VPS37A: variants seen among roughly 807,000 people sequenced by gnomAD.
The protein encoded by VPS37A is VPS37A subunit of ESCRT-I.
In VPS37A, 30 loss-of-function variants were observed where a neutral mutation model predicts 49.8. That is an observed-to-expected ratio of 0.60 (90% CI 0.45 to 0.82). The LOEUF is 0.82. Ranked by LOEUF, VPS37A falls within the 40% of genes least tolerant of loss-of-function variation. The probability of loss-of-function intolerance (pLI) is 0.00; values close to 1 mark genes in which losing one functional copy is unlikely to be tolerated. For missense variants in VPS37A, 593 were observed against 464.4 expected (o/e 1.28, Z -2.55); for synonymous variants, 195 against 160.6 (o/e 1.21, Z -1.62).
Position 17,296,963 on chromosome 8 carries a change from C to G in VPS37A, c.*1977C>G, listed in dbSNP as rs1816697901. The G allele has an allele frequency of 6.6e-6, 1 of 152,064 alleles. No individual in the cohort carries two copies. The highest frequency in any genetic ancestry group is 1.5e-5 in the Non-Finnish European group (1 of 68,002). 9.4% of individuals were successfully genotyped at this position (152,064 alleles called of 1,614,324 possible). A position where few individuals can be genotyped will look rare whatever the true frequency, so the allele number is the denominator to read the frequency against. The stretch of plus-strand genomic sequence containing the variant: ...TTTACATAAAGGTTATGTATGTCAC[C>G]CACGATGAAAAGAATCTGCATTTGA... On this transcript the variant is annotated 3_prime_UTR_variant, in exon 12 of 12. Transcript: ENST00000324849.
chr8:17,279,983 CTCGATG>C, intron 6 of VPS37A, 39 bp from the exon 7 acceptor site: 1 of 1,606,534 alleles, frequency 6.2e-7, no homozygotes, highest in East Asian at 2.2e-5. Flanking sequence ...TGGAGAAAAA[CTCGATG>C]TCTGATATTT....
At chr8:17,275,015 C>A in intron 5 of VPS37A, 57 bp downstream of exon 5, 1 of 1,483,708 alleles carries the variant, frequency 6.7e-7, no homozygotes, top group Non-Finnish European at 9.4e-7. Flanking sequence ...TCAATCCACA[C>A]ACCTTTATTA....
At chr8:17,318,493 CAGG>C in the VPS37A span, among the ~76,000 whole-genome samples, 1 of 152,116 alleles carries the variant, frequency 6.6e-6, no homozygotes, top group African/African-American at 2.4e-5. Flanking sequence ...GGAACTGCAG[CAGG>C]AGGATGGACG....
the VPS37A span, among the ~76,000 whole-genome samples, chr8:17,319,677 T>C: frequency 9.7e-3 from 1,481 of 152,330 alleles, 22 homozygotes; most frequent in East Asian, 0.037. Flanking sequence ...ATTATTCTCA[T>C]TCTTGATTGT....
the VPS37A span, among the ~76,000 whole-genome samples, chr8:17,327,313 C>G: frequency 3.3e-5 from 5 of 152,178 alleles, no homozygotes; most frequent in Non-Finnish European, 7.3e-5. Flanking sequence ...CTCTGTCACC[C>G]AGGCTGGAGT....
intron 1 of VPS37A, among the ~76,000 whole-genome samples, chr8:17,258,652 G>A (rs1812698576): frequency 6.6e-6 from 1 of 151,566 alleles, no homozygotes; most frequent in African/African-American, 2.4e-5. Context: ...GAGTTTGGAA[G>A]TAGTCCTTCT....
the VPS37A span, among the ~76,000 whole-genome samples, chr8:17,317,122 G>A: frequency 6.6e-6 from 1 of 152,134 alleles, no homozygotes; most frequent in Non-Finnish European, 1.5e-5. Flanking sequence ...GAATTTGCTT[G>A]CTTATATGTG....
Position 17,253,515 on chromosome 8 carries a change from A to G in VPS37A, c.125+6146A>G, listed in dbSNP as rs915071860. On this transcript the variant is annotated intron_variant, in intron 1 of 11. Coordinates refer to ENST00000324849, the MANE Select transcript of VPS37A (RefSeq NM_152415.3). ...ATCAACAAACAGAATGTAACGTTTC[A>G]TATATGGCAAAGGCTATGGAGACTT... Among the ~76,000 whole-genome samples the G allele has an allele frequency of 3.3e-5, 5 of 152,330 alleles. No individual in the cohort carries two copies. The East Asian group carries it at 7.7e-4, about 23-fold the overall frequency.
At chr8:17,278,103 G>C (rs1446164494) in intron 6 of VPS37A, among the ~76,000 whole-genome samples, 3 of 151,866 alleles carry the variant, frequency 2.0e-5, no homozygotes, top group Non-Finnish European at 4.4e-5. Context: ...ATGTTTCTCT[G>C]TTTCCCATAG....
At chr8:17,298,530 T>C (rs1020520790), downstream of VPS37A, 1 of 152,536 alleles carries the variant, frequency 6.6e-6, no homozygotes, top group Non-Finnish European at 1.5e-5. Context: ...CAGCGAAATG[T>C]AATAATTCTC....
downstream of VPS37A, among the ~76,000 whole-genome samples, chr8:17,307,238 C>G (rs551124816): frequency 6.6e-6 from 1 of 152,166 alleles, no homozygotes; most frequent in East Asian, 1.9e-4. Context: ...TATGAAAAGA[C>G]ACTTCTCAAA....
intron 1 of VPS37A, among the ~76,000 whole-genome samples, chr8:17,263,386 T>A (rs763105976): frequency 2.6e-5 from 4 of 152,222 alleles, no homozygotes; most frequent in Non-Finnish European, 5.9e-5. Flanking sequence ...TACTTATCTG[T>A]TGTTTAATGC....
downstream of VPS37A, among the ~76,000 whole-genome samples, chr8:17,304,746 C>CTTGTGTGTGTGTGTGTGTGT (rs1554504621): frequency 6.8e-6 from 1 of 146,992 alleles, no homozygotes; most frequent in African/African-American, 2.6e-5. Flanking sequence ...GTGTTCGATT[C>CTTGTGTGTGTGTGTGTGTGT]GTGTGTGTGT....
At chr8:17,247,680 C>T (rs541653792) in intron 1 of VPS37A, 1 of 703,134 alleles carries the variant, frequency 1.4e-6, no homozygotes, top group Non-Finnish European at 2.6e-6. Context: ...CCTTGCTGCC[C>T]AGGCTTCGCC....
intron 10 of VPS37A, 69 bp from the exon 11 acceptor site, chr8:17,286,278 C>G: frequency 8.1e-7 from 1 of 1,239,000 alleles, no homozygotes; most frequent in Non-Finnish European, 1.1e-6. Context: ...TCCTGTCATA[C>G]TGTTGGAAGT....
chr8:17,316,522 T>G, the VPS37A span, among the ~76,000 whole-genome samples: 1 of 151,816 alleles, frequency 6.6e-6, no homozygotes, highest in Non-Finnish European at 1.5e-5. Flanking sequence ...TGTACCTGGA[T>G]TTCTATAAGT....
At chr8:17,302,009 A>C (rs1056900624), downstream of VPS37A, 32 of 1,062,428 alleles carry the variant, frequency 3.0e-5, no homozygotes, top group Admixed American at 6.9e-4. Context: ...CTGAGTCCTG[A>C]CCTGGATGGG....
downstream of VPS37A, chr8:17,300,052 T>A (rs1817008914): frequency 6.2e-7 from 1 of 1,614,024 alleles, no homozygotes. Flanking sequence ...AGAATCTTCA[T>A]CGCCTTGTGA....
chr8:17,292,821 TC>T, intron 11 of VPS37A, among the ~76,000 whole-genome samples: 1 of 152,358 alleles, frequency 6.6e-6, no homozygotes, highest in South Asian at 2.1e-4. Flanking sequence ...TGCAGAGAGA[TC>T]CACTGTTAGT....
Sources: gnomAD v4.1 joint callset for allele counts (sites outside exome capture counted in the v4.1 genomes callset) on GRCh38, gnomAD v4.1.1 for gene constraint, MANE v1.5 for transcripts, NCBI Gene and HGNC (gene_info 2026-07-23, HGNC 2026-07-21) for gene names.